Variants in PCDHAC2 observed in about 807,000 individuals in gnomAD.
PCDHAC2 encodes the protein protocadherin alpha subfamily C, 2, also known as protocadherin alpha-C2.
In PCDHAC2, 24 loss-of-function variants were observed where a neutral mutation model predicts 63.3. The observed-to-expected ratio is 0.38, with a 90% confidence interval of 0.27 to 0.53. The LOEUF (loss-of-function observed/expected upper bound fraction) is 0.53. Ranked by LOEUF, PCDHAC2 falls within the 20% of genes least tolerant of loss-of-function variation. PCDHAC2 has a pLI of 0.81. For missense variants in PCDHAC2, 1,181 were observed against 1,275.2 expected (o/e 0.93, Z 1.12); for synonymous variants, 569 against 529.4 (o/e 1.07, Z -1.03).
chr5:140,968,124 G>T lies in PCDHAC2; in HGVS notation c.1358G>T (p.Arg453Leu), dbSNP rs202202452. ...GGAATACCGCAGCTCACATCCCTGCGTACACTGAAGGTTGAGATCTCTGAC... is the reference window on the plus strand; with the variant it reads ...GGAATACCGCAGCTCACATCCCTGCTTACACTGAAGGTTGAGATCTCTGAC... Reference protein sequence around the residue: ...DGGIPQLTSLRTLKVEISDIN... With the variant: ...DGGIPQLTSLLTLKVEISDIN... The change falls in exon 1 of 4, where the codon CGT (arginine) becomes CTT (leucine). Residue 453 changes from arginine to leucine, a missense_variant. Around this residue, in one of 3 missense-constraint regions of PCDHAC2, gnomAD observed 968 missense variants for 1,073.5 expected, o/e 0.90. Coordinates refer to ENST00000289269, the MANE Select transcript of PCDHAC2 (RefSeq NM_018899.6). 1 of 1,614,126 alleles carries T rather than the reference G, an allele frequency of 6.2e-7. No individual in the cohort carries two copies. The highest frequency in any genetic ancestry group is 8.5e-7 in the Non-Finnish European group (1 of 1,180,024).
chr5:140,979,081 G>A, intron 2 of PCDHAC2, 74 bp downstream of exon 2: 1 of 1,564,866 alleles, frequency 6.4e-7, no homozygotes, highest in South Asian at 1.2e-5. Flanking sequence ...CATCTCCATA[G>A]GCCAGAAGCA....
At chr5:140,989,865 C>T (rs1209207256) in intron 3 of PCDHAC2, among the ~76,000 whole-genome samples, 1 of 152,034 alleles carries the variant, frequency 6.6e-6, no homozygotes, top group Non-Finnish European at 1.5e-5. Flanking sequence ...AGGAATCTTT[C>T]TCTGCCTCAG....
At chr5:140,991,452 C>T (rs1162146299) in intron 3 of PCDHAC2, among the ~76,000 whole-genome samples, 3 of 152,184 alleles carry the variant, frequency 2.0e-5, no homozygotes, top group African/African-American at 7.2e-5. Context: ...TAAAACAACA[C>T]AATGTATTAT....
intron 2 of PCDHAC2, among the ~76,000 whole-genome samples, chr5:140,982,032 C>G (rs1554243678): frequency 1.3e-5 from 2 of 152,162 alleles, no homozygotes; most frequent in Non-Finnish European, 2.9e-5. Flanking sequence ...GAACAATACT[C>G]CAATTATCAG....
chr5:140,988,574 T>C (rs538316418), intron 3 of PCDHAC2, among the ~76,000 whole-genome samples: 1 of 152,342 alleles, frequency 6.6e-6, no homozygotes, highest in East Asian at 1.9e-4. Context: ...GAAAACACTC[T>C]GTACCTTCCA....
Position 140,966,938 on chromosome 5 carries a change from G to T in PCDHAC2, c.172G>T (p.Val58Leu). 6.2e-7 allele frequency: 1 copy of T among 1,604,146 alleles called. No individual in the cohort carries two copies. The highest frequency in any genetic ancestry group is 1.3e-5 in the African/African-American group (1 of 74,976). ...VPEEQAPGALVGNVARALGLE... is the reference protein window; with the variant it reads ...VPEEQAPGALLGNVARALGLE... ...AGAGGAGCAGGCACCCGGCGCGCTC[G>T]TGGGCAACGTGGCTCGCGCGCTGGG... The change falls in exon 1 of 4, where the codon GTG becomes TTG. Residue 58 changes from valine to leucine, a missense_variant. By Grantham distance (32) the Val-to-Leu change is conservative (BLOSUM62 1). Coordinates refer to ENST00000289269, the MANE Select transcript of PCDHAC2 (RefSeq NM_018899.6).
chr5:141,003,322 G>A (rs1588017257), intron 3 of PCDHAC2, among the ~76,000 whole-genome samples: 1 of 152,242 alleles, frequency 6.6e-6, no homozygotes, highest in East Asian at 1.9e-4. Flanking sequence ...ACTTCCAGAG[G>A]GCAGGGTTTT....
intron 2 of PCDHAC2, chr5:140,982,212 C>A: frequency 2.1e-6 from 1 of 479,448 alleles, no homozygotes; most frequent in Non-Finnish European, 3.3e-6. Flanking sequence ...GTGAGCGCCA[C>A]ATGGCGTTAA....
intron 1 of PCDHAC2, among the ~76,000 whole-genome samples, chr5:140,977,021 A>G (rs1249097233): frequency 1.3e-5 from 2 of 152,190 alleles, no homozygotes; most frequent in East Asian, 3.8e-4. Context: ...ATTCTGTCAA[A>G]TGAATCTAAG....
At chr5:140,994,636 T>C (rs1243732393) in intron 3 of PCDHAC2, among the ~76,000 whole-genome samples, 1 of 151,996 alleles carries the variant, frequency 6.6e-6, no homozygotes, top group Admixed American at 6.6e-5. Flanking sequence ...ACCTGGAAGG[T>C]GGAGGTTGCA....
At position 140,966,548 on chromosome 5, in the gene PCDHAC2, A is replaced by G. The variant is rs2096020413; in HGVS notation, c.-219A>G. Reference sequence around the variant, plus strand: ...AGCCGGGTTGAGCGACTCGGAGGCGAGCGGAGGAGCTGGAATATGGGGAGT... The same window carrying G: ...AGCCGGGTTGAGCGACTCGGAGGCGGGCGGAGGAGCTGGAATATGGGGAGT... On this transcript the variant is annotated 5_prime_UTR_variant, in exon 1 of 4. Transcript: ENST00000289269. 2.1e-6 allele frequency: 1 copy of G among 465,426 alleles called. No homozygotes were observed. Among genetic ancestry groups the G allele is most frequent in the Admixed American group, 4.3e-5 (1 of 23,118 alleles). 28.8% of individuals were successfully genotyped at this position (465,426 alleles called of 1,614,324 possible).
chr5:140,993,012 C>G (rs1307637137), intron 3 of PCDHAC2, among the ~76,000 whole-genome samples: 2 of 152,198 alleles, frequency 1.3e-5, no homozygotes, highest in Admixed American at 1.3e-4. Context: ...CCCCAGAGTC[C>G]AGCATCCCCT....
chr5:141,007,831 C>T (rs1347788424), intron 3 of PCDHAC2, among the ~76,000 whole-genome samples: 2 of 152,296 alleles, frequency 1.3e-5, no homozygotes, highest in East Asian at 3.9e-4. Context: ...CAAGTAGCTA[C>T]CCATTAGAGA....
intron 3 of PCDHAC2, among the ~76,000 whole-genome samples, chr5:140,995,046 A>C (rs193191582): frequency 1.9e-4 from 29 of 152,184 alleles, no homozygotes; most frequent in Non-Finnish European, 3.7e-4. Context: ...CCTTAACTCT[A>C]CTGAATTTTC....
At chr5:140,993,510 G>A (rs144120217) in intron 3 of PCDHAC2, among the ~76,000 whole-genome samples, 7 of 129,138 alleles carry the variant, frequency 5.4e-5, no homozygotes, top group African/African-American at 1.4e-4. Context: ...ACACACACAC[G>A]GGGAGAGAGA....
chr5:140,992,369 A>G (rs1554252849), intron 3 of PCDHAC2, among the ~76,000 whole-genome samples: 1 of 152,188 alleles, frequency 6.6e-6, no homozygotes, highest in Non-Finnish European at 1.5e-5. Context: ...AATGGTTCCC[A>G]TTACATTATT....
chr5:141,002,941 C>G (rs964416301), intron 3 of PCDHAC2, among the ~76,000 whole-genome samples: 18 of 152,216 alleles, frequency 1.2e-4, no homozygotes, highest in African/African-American at 4.1e-4. Flanking sequence ...CACCCTCCAG[C>G]ACATGCCCCT....
intron 1 of PCDHAC2, among the ~76,000 whole-genome samples, chr5:140,974,769 T>C (rs1487371754): frequency 6.6e-6 from 1 of 152,238 alleles, no homozygotes; most frequent in Non-Finnish European, 1.5e-5. Context: ...ATTACAGGTA[T>C]GAGCCACTGC....
chr5:140,969,547 A>C, intron 1 of PCDHAC2: 10 of 1,244,334 alleles, frequency 8.0e-6, no homozygotes, highest in Non-Finnish European at 9.8e-6. Flanking sequence ...AGAGGCATGA[A>C]GCCTTGTCCA....
Sources: allele counts gnomAD v4.1 joint callset (sites outside exome capture counted in the v4.1 genomes callset), GRCh38; gene constraint gnomAD v4.1.1; regional missense constraint gnomAD v4.1.1; transcripts MANE v1.5; gene names NCBI Gene and HGNC (gene_info 2026-07-23, HGNC 2026-07-21).